ANGPTL1: variants seen among roughly 807,000 people sequenced by gnomAD.
ANGPTL1 encodes angiopoietin-related protein 1.
Under a neutral mutation model 46.7 loss-of-function variants are expected in ANGPTL1, and 36 were observed. That is an observed-to-expected ratio of 0.77 (90% CI 0.59 to 1.02). The LOEUF (loss-of-function observed/expected upper bound fraction) is 1.02. Ranked by LOEUF, ANGPTL1 falls within the 50% of genes least tolerant of loss-of-function variation. The probability of loss-of-function intolerance (pLI) is 0.00; values close to 1 mark genes in which losing one functional copy is unlikely to be tolerated. For missense variants in ANGPTL1, 571 were observed against 594.7 expected (o/e 0.96, Z 0.41); for synonymous variants, 221 against 204.3 (o/e 1.08, Z -0.69).
intron 3 of ANGPTL1, among the ~76,000 whole-genome samples, chr1:178,860,829 G>T (rs1657954084): frequency 6.6e-6 from 1 of 152,134 alleles, no homozygotes; most frequent in South Asian, 2.1e-4. Context: ...TGGTGCCAGA[G>T]CATACATAAG....
At position 178,851,173 on chromosome 1, in the gene ANGPTL1, A is replaced by G; in HGVS notation, c.1432T>C (p.Tyr478His). The change falls in exon 6 of 6, where the codon TAC (tyrosine) becomes CAC (histidine). Residue 478 changes from tyrosine (Y) to histidine (H), a missense_variant. Tyr to His is a moderately conservative substitution (Grantham distance 83). Coordinates refer to ENST00000234816, the MANE Select transcript of ANGPTL1 (RefSeq NM_004673.4). ...IFWAEYRGGS[Y>H]SLRAVQMMIK... ...ATCATCTGAACTGCTCTTAAGGAGT[A>G]TGACCCGCCTCTGTATTCGGCCCAG... 6.2e-7 allele frequency: 1 copy of G among 1,613,956 alleles called. No individual in the cohort carries two copies. The highest frequency in any genetic ancestry group is 1.1e-5 in the South Asian group (1 of 91,068).
chr1:178,861,291 TAATG>T (rs1441282096), intron 3 of ANGPTL1, among the ~76,000 whole-genome samples: 1 of 152,146 alleles, frequency 6.6e-6, no homozygotes, highest in Non-Finnish European at 1.5e-5. Context: ...ATAAAACAAA[TAATG>T]AATAACAGAA....
intron 3 of ANGPTL1, among the ~76,000 whole-genome samples, chr1:178,862,061 C>T (rs1007383370): frequency 2.0e-5 from 3 of 151,952 alleles, no homozygotes; most frequent in Admixed American, 1.3e-4. Context: ...TTAGTAGAGA[C>T]GGGGTTTCAC....
intron 3 of ANGPTL1, among the ~76,000 whole-genome samples, chr1:178,862,834 T>C (rs1434973353): frequency 1.3e-5 from 2 of 152,150 alleles, no homozygotes; most frequent in Non-Finnish European, 2.9e-5. Context: ...AATTGGACTT[T>C]TTCTGTTTGC....
intron 2 of ANGPTL1, among the ~76,000 whole-genome samples, chr1:178,866,146 T>C (rs981213516): frequency 6.6e-6 from 1 of 152,136 alleles, no homozygotes; most frequent in Non-Finnish European, 1.5e-5. Flanking sequence ...ATAAGATAGC[T>C]TTCTTACCTT....
At chr1:178,861,726 A>T (rs1318954057) in intron 3 of ANGPTL1, among the ~76,000 whole-genome samples, 2 of 152,248 alleles carry the variant, frequency 1.3e-5, no homozygotes, top group Non-Finnish European at 2.9e-5. Context: ...CAAACTACTG[A>T]TAAATTATAT....
At chr1:178,866,603 C>G (rs1658428156) in intron 2 of ANGPTL1, among the ~76,000 whole-genome samples, 1 of 152,046 alleles carries the variant, frequency 6.6e-6, no homozygotes, top group African/African-American at 2.4e-5. Flanking sequence ...TTTCTACAAC[C>G]ATTACCAAGG....
chr1:178,862,022 A>G (rs1356046704), intron 3 of ANGPTL1, among the ~76,000 whole-genome samples: 1 of 151,950 alleles, frequency 6.6e-6, no homozygotes, highest in East Asian at 1.9e-4. Context: ...ACAGGCACGC[A>G]CCACCATGCC....
At position 178,851,090 on chromosome 1, in the gene ANGPTL1, A is replaced by G. The variant is rs773305035; in HGVS notation, c.*39T>C. On this transcript the variant is annotated 3_prime_UTR_variant, in exon 6 of 6. Coordinates refer to ENST00000234816, the MANE Select transcript of ANGPTL1 (RefSeq NM_004673.4). ...TTTACATTTTTAAGAGCTGAAAAGT[A>G]CAAAGTTCTGTGTCATTTAAATTGG... 5 of 1,558,178 alleles carry G rather than the reference A, an allele frequency of 3.2e-6. No individual in the cohort carries two copies. The highest frequency in any genetic ancestry group is 3.5e-6 in the Non-Finnish European group (4 of 1,150,812).
chr1:178,863,238 G>T (rs1276804764), intron 3 of ANGPTL1, among the ~76,000 whole-genome samples: 2 of 152,180 alleles, frequency 1.3e-5, no homozygotes, highest in Admixed American at 1.3e-4. Context: ...TCAGTGGACT[G>T]TGTATGGGGC....
chr1:178,859,203 A>C (rs1558154584), intron 3 of ANGPTL1, among the ~76,000 whole-genome samples: 1 of 152,152 alleles, frequency 6.6e-6, no homozygotes, highest in Non-Finnish European at 1.5e-5. Context: ...GTCATTTTCC[A>C]ACAGCACCTT....
rs1036648463 is a variant in ANGPTL1, at chr1:178,870,934, C to T, written c.-330G>A. ...CTAATCAATTGAATTTGACAAGCCA[C>T]CTATGTAATTTTAAGTAGTATAGTG... On this transcript the variant is annotated 5_prime_UTR_variant, in exon 1 of 6. The change creates a new upstream start codon in the 5' untranslated region. Coordinates refer to ENST00000234816, the MANE Select transcript of ANGPTL1 (RefSeq NM_004673.4). 2.6e-5 allele frequency: 4 copies of T among 152,084 alleles called. No homozygotes were observed. Among genetic ancestry groups the T allele is most frequent in the African/African-American group, 7.2e-5 (3 of 41,430 alleles). The allele number at this position is 152,084 out of a possible 1,614,324, so 9.4% of individuals were successfully genotyped here.
At chr1:178,856,394 ATTTTTTTTTTT>A (rs71108081) in intron 3 of ANGPTL1, among the ~76,000 whole-genome samples, 45 of 36,428 alleles carry the variant, frequency 1.2e-3, no homozygotes, top group African/African-American at 3.1e-3. Flanking sequence ...TGCCTGGCTA[ATTTTTTTTTTT>A]TTTTTTTTTT....
chr1:178,858,860 TTTACAAAGAGAATTACAGA>T (rs1391639673), intron 3 of ANGPTL1, among the ~76,000 whole-genome samples: 1 of 152,160 alleles, frequency 6.6e-6, no homozygotes, highest in African/African-American at 2.4e-5. Context: ...AAAAAGAGCT[TTTACAAAGAGAATTACAGA>T]TTACAAAGAG....
chr1:178,865,285 T>A lies in ANGPTL1; in HGVS notation c.492A>T (p.Glu164Asp). Residue 164 changes from glutamate to aspartate, a missense_variant, in exon 3 of 6, where the codon GAA becomes GAT. Coordinates refer to ENST00000234816, the MANE Select transcript of ANGPTL1 (RefSeq NM_004673.4). ...TGTATCTTGTTGCCATCTTCAACATTTCTGTGGTGACATTGAGGATTTTGT... is the reference window on the plus strand; with the variant it reads ...TGTATCTTGTTGCCATCTTCAACATATCTGTGGTGACATTGAGGATTTTGT... ...LENKILNVTT[E>D]MLKMATRYRE... is the part of the protein sequence containing the mutation. 1.2e-6 allele frequency: 2 copies of A among 1,614,100 alleles called. No homozygotes were observed. The highest frequency in any genetic ancestry group is 2.2e-5 in the South Asian group (2 of 91,070).
intron 3 of ANGPTL1, among the ~76,000 whole-genome samples, chr1:178,863,240 G>T (rs1339978901): frequency 6.6e-6 from 1 of 152,162 alleles, no homozygotes; most frequent in Non-Finnish European, 1.5e-5. Flanking sequence ...AGTGGACTGT[G>T]TATGGGGCAG....
At chr1:178,859,053 T>G (rs1657779760) in intron 3 of ANGPTL1, among the ~76,000 whole-genome samples, 1 of 152,188 alleles carries the variant, frequency 6.6e-6, no homozygotes, top group South Asian at 2.1e-4. Context: ...GACAAATACT[T>G]TCTGAAGTGA....
At chr1:178,851,592 C>T (rs1181568655) in intron 5 of ANGPTL1, among the ~76,000 whole-genome samples, 1 of 151,772 alleles carries the variant, frequency 6.6e-6, no homozygotes, top group Non-Finnish European at 1.5e-5. Flanking sequence ...TAGATGCAAG[C>T]AGTGTTTATA....
At chr1:178,856,185 T>G (rs1201753502) in intron 3 of ANGPTL1, among the ~76,000 whole-genome samples, 1 of 121,710 alleles carries the variant, frequency 8.2e-6, no homozygotes, top group Non-Finnish European at 1.6e-5. Context: ...TTACCTGTAC[T>G]TTTCCAGAGA....
Sources: gnomAD v4.1 joint callset for allele counts (sites outside exome capture counted in the v4.1 genomes callset) on GRCh38, gnomAD v4.1.1 for gene constraint, MANE v1.5 for transcripts, NCBI Gene and HGNC (gene_info 2026-07-23, HGNC 2026-07-21) for gene names.